The following GALNT13 variants were observed in gnomAD, a reference collection of about 807,000 sequenced individuals.
The protein encoded by GALNT13 is UDP-GalNAc:polypeptide N-acetylgalactosaminyltransferase 13.
Under a neutral mutation model 64.2 loss-of-function variants are expected in GALNT13, and 28 were observed. That is an observed-to-expected ratio of 0.44 (90% CI 0.32 to 0.60). GALNT13 has a LOEUF of 0.60. GALNT13 is among the 20% of genes least tolerant of loss of function. GALNT13 has a pLI of 0.05. For missense variants in GALNT13, 577 were observed against 669.8 expected (o/e 0.86, Z 1.53); for synonymous variants, 214 against 224.6 (o/e 0.95, Z 0.42).
the GALNT13 span, among the ~76,000 whole-genome samples, chr2:153,628,517 C>A: frequency 6.6e-6 from 1 of 151,224 alleles, no homozygotes; most frequent in African/African-American, 2.4e-5. Context: ...TGAAATACGT[C>A]CCATCAATAC....
the GALNT13 span, among the ~76,000 whole-genome samples, chr2:153,500,274 C>T: frequency 6.6e-6 from 1 of 151,926 alleles, no homozygotes; most frequent in South Asian, 2.1e-4. Context: ...GTGTGATGGC[C>T]TGAAGACAAG....
chr2:153,374,336 G>A, the GALNT13 span, among the ~76,000 whole-genome samples: 2 of 152,202 alleles, frequency 1.3e-5, no homozygotes, highest in Non-Finnish European at 2.9e-5. Context: ...CTAATGATTA[G>A]TAATGTTGAG....
intron 1 of GALNT13, among the ~76,000 whole-genome samples, chr2:153,886,329 A>G (rs921356029): frequency 1.3e-5 from 2 of 151,920 alleles, no homozygotes; most frequent in African/African-American, 4.8e-5. Flanking sequence ...GTCATTTAAC[A>G]TTAGGTATAT....
At chr2:153,493,795 A>G in the GALNT13 span, among the ~76,000 whole-genome samples, 3 of 152,014 alleles carry the variant, frequency 2.0e-5, no homozygotes, top group Admixed American at 2.0e-4. Flanking sequence ...TATTGGACCA[A>G]GTAGGGTTTA....
At chr2:154,198,561 G>C (rs955999566) in intron 4 of GALNT13, among the ~76,000 whole-genome samples, 27 of 151,924 alleles carry the variant, frequency 1.8e-4, no homozygotes, top group African/African-American at 6.5e-4. Context: ...GGGTGGACAA[G>C]GCACTGAAAA....
the GALNT13 span, among the ~76,000 whole-genome samples, chr2:153,226,822 A>T: frequency 0.035 from 5,324 of 152,304 alleles, 311 homozygotes; most frequent in African/African-American, 0.12. Context: ...GTTAAACATA[A>T]TGCATCCAGC....
At chr2:153,421,899 G>A in the GALNT13 span, 5 of 52,246 alleles carry the variant, frequency 9.6e-5, no homozygotes, top group African/African-American at 6.6e-4. Flanking sequence ...TAGAGCTCCC[G>A]GCAGCATTGC....
At chr2:153,995,120 A>G (rs940291027) in intron 3 of GALNT13, among the ~76,000 whole-genome samples, 18 of 151,832 alleles carry the variant, frequency 1.2e-4, no homozygotes, top group Non-Finnish European at 2.4e-4. Context: ...AGAAACAATT[A>G]ATTAGATTAG....
chr2:154,247,633 T>C (rs1689850022), intron 7 of GALNT13, among the ~76,000 whole-genome samples: 1 of 152,028 alleles, frequency 6.6e-6, no homozygotes, highest in Non-Finnish European at 1.5e-5. Flanking sequence ...TATGTAGAAA[T>C]CAATCATTAT....
chr2:154,213,769 A>C (rs919177002), intron 4 of GALNT13, among the ~76,000 whole-genome samples: 1 of 152,216 alleles, frequency 6.6e-6, no homozygotes, highest in African/African-American at 2.4e-5. Flanking sequence ...ATAATGCTTC[A>C]ATAACAGGAT....
chr2:153,993,007 A>G (rs1695262131), intron 3 of GALNT13, among the ~76,000 whole-genome samples: 1 of 152,200 alleles, frequency 6.6e-6, no homozygotes, highest in African/African-American at 2.4e-5. Context: ...GAAATTAGAC[A>G]TGATAGACTC....
intron 10 of GALNT13, among the ~76,000 whole-genome samples, chr2:154,404,709 C>A (rs1699448269): frequency 2.0e-5 from 3 of 152,246 alleles, no homozygotes; most frequent in African/African-American, 7.2e-5. Context: ...CTAGCTGAAG[C>A]TCCTTCTCAG....
the GALNT13 span, among the ~76,000 whole-genome samples, chr2:153,381,164 G>A: frequency 7.9e-5 from 12 of 151,940 alleles, no homozygotes; most frequent in African/African-American, 2.9e-4. Context: ...CCAGGCTGGT[G>A]TCAAACTCCT....
At chr2:154,317,191 T>C (rs955299966) in intron 9 of GALNT13, among the ~76,000 whole-genome samples, 2 of 138,048 alleles carry the variant, frequency 1.4e-5, no homozygotes, top group Non-Finnish European at 3.0e-5. Context: ...CCAGCGTGAG[T>C]GACAAAGCGA....
chr2:153,683,866 TTG>T, the GALNT13 span, among the ~76,000 whole-genome samples: 1 of 151,702 alleles, frequency 6.6e-6, no homozygotes, highest in Non-Finnish European at 1.5e-5. Flanking sequence ...CTAGGAACTT[TTG>T]TGTTTTCATT....
At chr2:153,861,503 A>C in the GALNT13 span, among the ~76,000 whole-genome samples, 1 of 152,038 alleles carries the variant, frequency 6.6e-6, no homozygotes, top group East Asian at 1.9e-4. Flanking sequence ...ATGAAAATAA[A>C]AGTAGAAGTT....
At chr2:153,237,576 A>G in the GALNT13 span, among the ~76,000 whole-genome samples, 1 of 152,020 alleles carries the variant, frequency 6.6e-6, no homozygotes, top group African/African-American at 2.4e-5. Context: ...GAGAACATGC[A>G]AAGGTTTTCT....
the GALNT13 span, chr2:153,371,152 T>C: frequency 2.6e-5 from 4 of 152,628 alleles, no homozygotes; most frequent in African/African-American, 9.6e-5. Flanking sequence ...CCATTTATGA[T>C]ATCAACTTCT....
At chr2:153,971,408 T>C (rs1331111204) in intron 3 of GALNT13, among the ~76,000 whole-genome samples, 1 of 152,150 alleles carries the variant, frequency 6.6e-6, no homozygotes, top group Non-Finnish European at 1.5e-5. Flanking sequence ...AAGTCTATTT[T>C]ACTGCTGTAT....
Sources: allele counts gnomAD v4.1 joint callset (sites outside exome capture counted in the v4.1 genomes callset), GRCh38; gene constraint gnomAD v4.1.1; transcripts MANE v1.5; gene names NCBI Gene and HGNC (gene_info 2026-07-23, HGNC 2026-07-21).